The following MARCHF1 variants were observed in gnomAD, a reference collection of about 807,000 sequenced individuals.
MARCHF1 encodes the protein membrane associated ring-CH-type finger 1, also known as E3 ubiquitin-protein ligase MARCHF1.
In MARCHF1, 40 loss-of-function variants were observed where a neutral mutation model predicts 54.2. That is an observed-to-expected ratio of 0.74 (90% CI 0.57 to 0.96). MARCHF1 has a LOEUF of 0.96. Ranked by LOEUF, MARCHF1 falls within the 40% of genes least tolerant of loss-of-function variation. The pLI is 0.00. For synonymous variants in MARCHF1, 236 were observed against 236.3 expected, an observed-to-expected ratio of 1.00 and a Z score of 0.01; for missense variants, 586 against 656.5, an observed-to-expected ratio of 0.89 and a Z score of 1.17.
chr4:163,557,545 C>T (rs886867585), intron 8 of MARCHF1, among the ~76,000 whole-genome samples: 12 of 152,118 alleles, frequency 7.9e-5, no homozygotes, highest in Non-Finnish European at 1.8e-4. Flanking sequence ...TTTTTTGAGA[C>T]ATAGGTGATA....
In MARCHF1 at chr4:163,526,286, C is replaced by T. The variant is rs1029865159; in HGVS notation, c.*2462G>A. ...GATCATCCTCCACTGTGAAATCAGCCCTGCAACGTATCTTGTTTAGGTTCG... is the reference window on the plus strand; with the variant it reads ...GATCATCCTCCACTGTGAAATCAGCTCTGCAACGTATCTTGTTTAGGTTCG... On this transcript the variant is annotated 3_prime_UTR_variant, in exon 10 of 10. Transcript: ENST00000514618. The T allele has an allele frequency of 1.3e-5, 2 of 152,014 alleles. No homozygotes were observed. The highest frequency in any genetic ancestry group is 2.9e-5 in the Non-Finnish European group (2 of 67,956). The allele number at this position is 152,014 out of a possible 1,614,324, so 9.4% of individuals were successfully genotyped here.
At chr4:163,650,802 T>A (rs1742936291) in intron 5 of MARCHF1, among the ~76,000 whole-genome samples, 2 of 151,978 alleles carry the variant, frequency 1.3e-5, no homozygotes, top group Admixed American at 1.3e-4. Flanking sequence ...CACCCTAGAA[T>A]GTCCATGAAA....
intron 1 of MARCHF1, among the ~76,000 whole-genome samples, chr4:164,335,062 A>G (rs1729694092): frequency 6.6e-6 from 1 of 152,252 alleles, no homozygotes; most frequent in Non-Finnish European, 1.5e-5. Context: ...GGTTTCTTGA[A>G]GTAAAATCTA....
intron 5 of MARCHF1, among the ~76,000 whole-genome samples, chr4:163,635,817 C>T (rs1742296900): frequency 6.6e-6 from 1 of 152,128 alleles, no homozygotes; most frequent in Admixed American, 6.5e-5. Flanking sequence ...ACCAATATCC[C>T]TGATGAACAT....
At position 164,338,962 on chromosome 4, in the gene MARCHF1, A is replaced by G. The variant is rs527671144; in HGVS notation, c.-323+44908T>C. The stretch of plus-strand genomic sequence containing the variant: ...ACTACAGCCTGAGCAACAAGAGCAA[A>G]ACTCCATCTCAAAAAAAATAAATAA... On this transcript the variant is annotated intron_variant, in intron 1 of 9. Coordinates refer to ENST00000514618, the MANE Select transcript of MARCHF1 (RefSeq NM_001394959.1). Among the ~76,000 whole-genome samples, 4 of 152,234 alleles carry G rather than the reference A, an allele frequency of 2.6e-5. No individual in the cohort carries two copies. The South Asian group carries it at 8.3e-4, about 32-fold the overall frequency.
intron 3 of MARCHF1, among the ~76,000 whole-genome samples, chr4:163,875,317 T>C (rs542040397): frequency 1.1e-3 from 166 of 152,278 alleles, no homozygotes; most frequent in Non-Finnish European, 1.5e-3. Context: ...TTTTTGATTT[T>C]TAAAAACTCT....
intron 4 of MARCHF1, among the ~76,000 whole-genome samples, chr4:163,734,140 A>G (rs1745961659): frequency 6.6e-6 from 1 of 152,214 alleles, no homozygotes; most frequent in Admixed American, 6.5e-5. Context: ...CTAAAATTAG[A>G]ACAAACAAGC....
intron 4 of MARCHF1, among the ~76,000 whole-genome samples, chr4:163,729,982 TG>T (rs1745779899): frequency 1.3e-5 from 2 of 152,156 alleles, no homozygotes; most frequent in Non-Finnish European, 2.9e-5. Context: ...TTTGGGAATT[TG>T]GGGCCATTAT....
chr4:163,709,335 G>T (rs1436498269), intron 4 of MARCHF1, among the ~76,000 whole-genome samples: 2 of 152,128 alleles, frequency 1.3e-5, no homozygotes, highest in Admixed American at 6.6e-5. Context: ...CAGCACTTTG[G>T]GAGGCCAAGA....
At chr4:163,542,724 G>A (rs1284228020) in intron 9 of MARCHF1, among the ~76,000 whole-genome samples, 1 of 152,202 alleles carries the variant, frequency 6.6e-6, no homozygotes, top group Non-Finnish European at 1.5e-5. Context: ...GGGTTTCATA[G>A]GTCTAGGGAA....
chr4:163,620,602 C>CAG (rs748881059), intron 5 of MARCHF1, among the ~76,000 whole-genome samples: 18 of 97,936 alleles, frequency 1.8e-4, no homozygotes, highest in Non-Finnish European at 2.3e-4. Context: ...CACACACACA[C>CAG]ACACAGAGAG....
At position 163,560,601 on chromosome 4, in the gene MARCHF1, T is replaced by A. The variant is rs373672435; in HGVS notation, c.1192-14858A>T. On this transcript the variant is annotated intron_variant, in intron 8 of 9. Transcript: ENST00000514618. ...TTGGTATGGTAGTGAATCTGTAGGT[T>A]AGTTTGGGGGAAGAGTTTGACCTCT... Among the ~76,000 whole-genome samples, 170 of 152,274 alleles carry A rather than the reference T, an allele frequency of 1.1e-3. 2 individuals carry two copies. The highest frequency in any genetic ancestry group is 8.9e-3 in the South Asian group (43 of 4,828).
intron 2 of MARCHF1, among the ~76,000 whole-genome samples, chr4:163,999,268 G>T (rs1366593000): frequency 2.6e-5 from 4 of 151,480 alleles, no homozygotes; most frequent in Non-Finnish European, 5.9e-5. Context: ...AATAATGCAT[G>T]TAAACTCCTT....
intron 3 of MARCHF1, among the ~76,000 whole-genome samples, chr4:163,872,764 G>C (rs1750196032): frequency 6.6e-6 from 1 of 152,090 alleles, no homozygotes; most frequent in Non-Finnish European, 1.5e-5. Context: ...GATGAAGTCG[G>C]CCGGGCGCGG....
intron 1 of MARCHF1, among the ~76,000 whole-genome samples, chr4:164,199,444 C>T (rs113656254): frequency 0.012 from 1,812 of 152,132 alleles, 36 homozygotes; most frequent in African/African-American, 0.042. Flanking sequence ...GAGTTCAAGA[C>T]CAGCCTGGCC....
intron 1 of MARCHF1, among the ~76,000 whole-genome samples, chr4:164,199,894 G>A (rs1560951067): frequency 6.6e-6 from 1 of 152,060 alleles, no homozygotes; most frequent in Non-Finnish European, 1.5e-5. Context: ...TTGCTCCCAT[G>A]GCACAGTACT....
intron 2 of MARCHF1, among the ~76,000 whole-genome samples, chr4:164,055,432 A>G (rs976311010): frequency 1.9e-5 from 2 of 107,322 alleles, no homozygotes; most frequent in Non-Finnish European, 4.3e-5. Context: ...TGAGAGAGTG[A>G]CACCCTGTCT....
chr4:163,544,184 AAAAG>A (rs1293246654), intron 9 of MARCHF1, among the ~76,000 whole-genome samples: 1 of 152,214 alleles, frequency 6.6e-6, no homozygotes, highest in African/African-American at 2.4e-5. Flanking sequence ...TTAAAAAAGA[AAAAG>A]AAAGTTCTAC....
rs72987717 is a variant in MARCHF1 at position 164,192,819 on chromosome 4, T to C, written c.-322-81157A>G. The stretch of plus-strand genomic sequence containing the variant: ...CCTTAAGAAATTATTCAAACCACTA[T>C]ACTAGGAACTTGCAGCTGCTATGCC... On this transcript the variant is annotated intron_variant, in intron 1 of 9. Transcript: ENST00000514618. Among the ~76,000 whole-genome samples, 868 of 152,322 alleles carry C rather than the reference T, an allele frequency of 5.7e-3. 10 individuals carry two copies. The highest frequency in any genetic ancestry group is 0.02 in the African/African-American group (843 of 41,570).
Sources: gnomAD v4.1 joint callset for allele counts (sites outside exome capture counted in the v4.1 genomes callset) on GRCh38, gnomAD v4.1.1 for gene constraint, MANE v1.5 for transcripts, NCBI Gene and HGNC (gene_info 2026-07-23, HGNC 2026-07-21) for gene names.